Variants in MIPOL1 observed in about 807,000 individuals in gnomAD.
The protein encoded by MIPOL1 is mirror-image polydactyly 1.
Under a neutral mutation model 60.9 loss-of-function variants are expected in MIPOL1, and 57 were observed. That is an observed-to-expected ratio of 0.94 (90% CI 0.76 to 1.17). The LOEUF is 1.17. MIPOL1 is among the 50% of genes most tolerant of loss of function. The pLI, the probability that MIPOL1 is intolerant of heterozygous loss-of-function variation, is 0.00. For synonymous variants in MIPOL1, 179 were observed against 168.8 expected, an observed-to-expected ratio of 1.06 and a Z score of -0.47; for missense variants, 551 against 511.6, an observed-to-expected ratio of 1.08 and a Z score of -0.74.
intron 11 of MIPOL1, among the ~76,000 whole-genome samples, chr14:37,462,252 G>T (rs916770538): frequency 6.6e-6 from 1 of 152,224 alleles, no homozygotes; most frequent in African/African-American, 2.4e-5. Context: ...TGAAGCCATG[G>T]CCTGAGCTCT....
intron 11 of MIPOL1, among the ~76,000 whole-genome samples, chr14:37,459,175 G>C (rs991274227): frequency 1.3e-5 from 2 of 151,776 alleles, no homozygotes; most frequent in Non-Finnish European, 2.9e-5. Flanking sequence ...GCTCAGAGCA[G>C]AACTAAATGA....
chr14:37,331,659 GTTTT>G (rs1427203629), intron 9 of MIPOL1, among the ~76,000 whole-genome samples: 1 of 151,166 alleles, frequency 6.6e-6, no homozygotes, highest in African/African-American at 2.4e-5. Flanking sequence ...AGTTCTAATA[GTTTT>G]TTTGTGTAGT....
At chr14:37,458,582 G>A (rs1444612022) in intron 11 of MIPOL1, among the ~76,000 whole-genome samples, 3 of 152,044 alleles carry the variant, frequency 2.0e-5, no homozygotes, top group Non-Finnish European at 2.9e-5. Context: ...ATGCCAGGAG[G>A]CTAAAGTGAG....
chr14:37,433,204 G>A (rs934104228), intron 11 of MIPOL1, among the ~76,000 whole-genome samples: 3 of 152,002 alleles, frequency 2.0e-5, no homozygotes, highest in African/African-American at 7.2e-5. Flanking sequence ...AGGACTACAG[G>A]CACATGCCAC....
In MIPOL1 at chr14:37,285,322, G is replaced by A. The variant is rs1339910915; in HGVS notation, c.498G>A (p.Leu166=). Residue 166 remains leucine, a synonymous_variant, in exon 7 of 13, where the codon CTG becomes CTA. Transcript: ENST00000684589. ...GCGCTTTATATATTTTGGTAGCTCTGGTTGAAGAAGTGTATTTTGCGCAGA... is the reference window on the plus strand; with the variant it reads ...GCGCTTTATATATTTTGGTAGCTCTAGTTGAAGAAGTGTATTTTGCGCAGA... ...EAKIAEKTAA[L]VEEVYFAQKE... is the part of the protein sequence containing the mutation. 4 of 1,613,820 alleles carry A rather than the reference G, an allele frequency of 2.5e-6. No homozygotes were observed. Among genetic ancestry groups the A allele is most frequent in the African/African-American group, 2.7e-5 (2 of 74,890 alleles).
rs145630371 is a variant in MIPOL1, at chr14:37,201,538, A to C, written c.-199+3434A>C. On this transcript the variant is annotated intron_variant, in intron 1 of 12. Coordinates refer to ENST00000684589, the MANE Select transcript of MIPOL1 (RefSeq NM_001388067.1). ...TAGTTATTGTAATATTTTAAGGTGC[A>C]TTTTGTCCTTTGAGCTGTTCCATCT... 1.4e-3 allele frequency among the ~76,000 whole-genome samples: 215 copies of C among 152,234 alleles called. 1 individual carries two copies. In the East Asian group the frequency reaches 0.035, roughly 25 times the overall value.
chr14:37,442,533 G>A (rs2094266527), intron 11 of MIPOL1, among the ~76,000 whole-genome samples: 1 of 151,980 alleles, frequency 6.6e-6, no homozygotes, highest in South Asian at 2.1e-4. Context: ...ATTATCTTGA[G>A]TTATGTTCCT....
At chr14:37,286,472 C>G (rs2084574797) in intron 7 of MIPOL1, among the ~76,000 whole-genome samples, 1 of 152,060 alleles carries the variant, frequency 6.6e-6, no homozygotes, top group Non-Finnish European at 1.5e-5. Flanking sequence ...TAGAAAGGCC[C>G]TAGAACATCT....
At chr14:37,409,362 AG>A (rs2093643683) in intron 10 of MIPOL1, among the ~76,000 whole-genome samples, 1 of 152,140 alleles carries the variant, frequency 6.6e-6, no homozygotes, top group East Asian at 1.9e-4. Flanking sequence ...AGTTATCCAC[AG>A]GTGCTTTCTA....
At chr14:37,347,526 A>G (rs1027905157) in intron 9 of MIPOL1, among the ~76,000 whole-genome samples, 3 of 152,192 alleles carry the variant, frequency 2.0e-5, no homozygotes, top group Non-Finnish European at 4.4e-5. Context: ...GAGTTTCAAA[A>G]TGGGAGCAAG....
intron 7 of MIPOL1, among the ~76,000 whole-genome samples, chr14:37,292,636 A>G (rs1038227131): frequency 6.6e-6 from 1 of 151,790 alleles, no homozygotes; most frequent in East Asian, 1.9e-4. Flanking sequence ...ACCTGCCACC[A>G]GCCCCGGCTA....
At chr14:37,383,019 G>T (rs2092967123) in intron 10 of MIPOL1, among the ~76,000 whole-genome samples, 1 of 151,260 alleles carries the variant, frequency 6.6e-6, no homozygotes, top group Non-Finnish European at 1.5e-5. Context: ...AAAATTTCAT[G>T]TATCTTCAGA....
chr14:37,401,787 T>C (rs1332817000), intron 10 of MIPOL1: 1 of 152,124 alleles, frequency 6.6e-6, no homozygotes, highest in Non-Finnish European at 1.5e-5. Flanking sequence ...AGGTAGTCTA[T>C]CTGAAAATTT....
At position 37,483,703 on chromosome 14, in the gene MIPOL1, G is replaced by A. The variant is rs1012130747; in HGVS notation, c.1032-16205G>A. Among the ~76,000 whole-genome samples, 7 of 151,592 alleles carry A rather than the reference G, an allele frequency of 4.6e-5. 1 individual carries two copies. The highest frequency in any genetic ancestry group is 2.6e-4 in the Admixed American group (4 of 15,228). On this transcript the variant is annotated intron_variant, in intron 11 of 12. Coordinates refer to ENST00000684589, the MANE Select transcript of MIPOL1 (RefSeq NM_001388067.1). ...CAAGCTGGAGTGCAGTGGCATGACT[G>A]TAGCTCACTGCAGCCTCAAACTCAG... is the stretch of plus-strand genomic sequence containing the variant.
rs138588826 is a variant in MIPOL1 at position 37,494,529 on chromosome 14, A to C, written c.1032-5379A>C. On this transcript the variant is annotated intron_variant, in intron 11 of 12. Transcript: ENST00000684589. ...GCTTGAGAATCTGAATGCCTAGCTA[A>C]AAGGTGAGGAAGGAGGTAGAGAGGT... is the stretch of plus-strand genomic sequence containing the variant. 3.7e-4 allele frequency among the ~76,000 whole-genome samples: 56 copies of C among 152,284 alleles called. 1 individual carries two copies. The highest frequency in any genetic ancestry group is 1.3e-3 in the African/African-American group (56 of 41,570).
intron 9 of MIPOL1, among the ~76,000 whole-genome samples, chr14:37,325,833 G>C (rs1414940056): frequency 2.0e-5 from 3 of 152,116 alleles, no homozygotes; most frequent in African/African-American, 7.2e-5. Context: ...GAGGATCTGT[G>C]ATCCCAGGCA....
intron 9 of MIPOL1, among the ~76,000 whole-genome samples, chr14:37,349,803 CAG>C (rs2091219264): frequency 6.6e-6 from 1 of 152,120 alleles, no homozygotes; most frequent in Non-Finnish European, 1.5e-5. Context: ...AACTCCATGA[CAG>C]TGCATTTTTA....
In MIPOL1 at chr14:37,499,958, A is replaced by G. The variant is rs573869558; in HGVS notation, c.1082A>G (p.Tyr361Cys). 5 of 1,610,604 alleles carry G rather than the reference A, an allele frequency of 3.1e-6. No individual in the cohort carries two copies. Among genetic ancestry groups the G allele is most frequent in the East Asian group, 4.5e-5 (2 of 44,828 alleles). ...QEENLKDQFN[Y>C]TLSTYEEALK... ...GAAAATCTGAAGGATCAGTTTAACT[A>G]TACCCTTAGTACATATGAAGAAGCT... The change falls in exon 12 of 13, where the codon TAT becomes TGT. Residue 361 changes from tyrosine to cysteine, a missense_variant. Transcript: ENST00000684589.
rs549296401 is a variant in MIPOL1 at position 37,280,299 on chromosome 14, TTAACA to T, written c.494-5016_494-5012del. ...TGAACATGGGAGTGTAGGCATCTCTTTAACATACTTCTTTCGACTCCTTTGGATAC... is the reference window on the plus strand; with the variant it reads ...TGAACATGGGAGTGTAGGCATCTCTTTACTTCTTTCGACTCCTTTGGATAC... On this transcript the variant is annotated intron_variant, in intron 6 of 12. Coordinates refer to ENST00000684589, the MANE Select transcript of MIPOL1 (RefSeq NM_001388067.1). 1.8e-4 allele frequency among the ~76,000 whole-genome samples: 27 copies of T among 152,312 alleles called. No homozygotes were observed. The South Asian group carries it at 5.6e-3, about 32-fold the overall frequency.
Sources: gnomAD v4.1 joint callset for allele counts (sites outside exome capture counted in the v4.1 genomes callset) on GRCh38, gnomAD v4.1.1 for gene constraint, MANE v1.5 for transcripts, NCBI Gene and HGNC (gene_info 2026-07-23, HGNC 2026-07-21) for gene names.